The following SLC16A10 variants were observed in gnomAD, a reference collection of about 807,000 sequenced individuals.
SLC16A10 encodes the protein monocarboxylate transporter 10.
In SLC16A10, 27 loss-of-function variants were observed where a neutral mutation model predicts 40.0. The observed-to-expected ratio is 0.67, with a 90% CI of 0.50 to 0.93. SLC16A10 has a LOEUF of 0.93. Among genes scored for constraint, SLC16A10 ranks in the 40% least tolerant of loss-of-function variants. SLC16A10 has a pLI of 0.00. For missense variants in SLC16A10, 529 were observed against 658.2 expected, an observed-to-expected ratio of 0.80 and a Z score of 2.15; for synonymous variants, 213 against 249.8, an observed-to-expected ratio of 0.85 and a Z score of 1.39.
chr6:111,146,189 C>T (rs1221144810), intron 1 of SLC16A10, among the ~76,000 whole-genome samples: 2 of 152,122 alleles, frequency 1.3e-5, no homozygotes, highest in Non-Finnish European at 2.9e-5. Flanking sequence ...TATAAATCAC[C>T]AATGAGCATA....
At chr6:111,117,893 A>G (rs1057347495) in intron 1 of SLC16A10, among the ~76,000 whole-genome samples, 3 of 152,210 alleles carry the variant, frequency 2.0e-5, no homozygotes, top group Non-Finnish European at 2.9e-5. Context: ...CTTCAAATCT[A>G]GTGCACTTTC....
chr6:111,124,831 A>C (rs2114479754), intron 1 of SLC16A10, among the ~76,000 whole-genome samples: 1 of 152,380 alleles, frequency 6.6e-6, no homozygotes, highest in East Asian at 1.9e-4. Context: ...ATAAATGTTT[A>C]TAGATCTGCT....
At chr6:111,166,963 C>G (rs747599741) in intron 1 of SLC16A10, among the ~76,000 whole-genome samples, 1 of 152,210 alleles carries the variant, frequency 6.6e-6, no homozygotes, top group Non-Finnish European at 1.5e-5. Flanking sequence ...GTTATACAAG[C>G]ACATCTTGCA....
intron 1 of SLC16A10, among the ~76,000 whole-genome samples, chr6:111,090,054 TAC>T (rs199853517): frequency 0.017 from 2,504 of 151,334 alleles, 44 homozygotes; most frequent in African/African-American, 0.042. Context: ...TCTAATTGGC[TAC>T]ACAATATCCC....
At chr6:111,188,487 G>A (rs556420619) in intron 3 of SLC16A10, among the ~76,000 whole-genome samples, 7 of 151,872 alleles carry the variant, frequency 4.6e-5, no homozygotes, top group African/African-American at 1.7e-4. Context: ...CTTGACACAA[G>A]GATATATATA....
chr6:111,151,836 C>G (rs1772177884), intron 1 of SLC16A10, among the ~76,000 whole-genome samples: 1 of 152,304 alleles, frequency 6.6e-6, no homozygotes, highest in South Asian at 2.1e-4. Context: ...CCTATTCATC[C>G]TCCATGTCAC....
chr6:111,092,318 T>G (rs962334975), intron 1 of SLC16A10, among the ~76,000 whole-genome samples: 57 of 129,288 alleles, frequency 4.4e-4, no homozygotes, highest in South Asian at 3.9e-3. Context: ...TTTTGTTGTT[T>G]TTTTTTTTTT....
intron 1 of SLC16A10, among the ~76,000 whole-genome samples, chr6:111,095,957 TG>T (rs1311894586): frequency 1.3e-4 from 20 of 152,238 alleles, no homozygotes; most frequent in Non-Finnish European, 2.9e-5. Context: ...AAGGCTTTCA[TG>T]TACATTATTT....
At chr6:111,109,752 T>A (rs1387427911) in intron 1 of SLC16A10, among the ~76,000 whole-genome samples, 2 of 152,168 alleles carry the variant, frequency 1.3e-5, no homozygotes, top group Non-Finnish European at 1.5e-5. Flanking sequence ...ACACCTGGCC[T>A]ACCACAATTT....
Position 111,177,263 on chromosome 6 carries a change from C to T in SLC16A10, c.540C>T (p.Cys180=), listed in dbSNP as rs779916305. ...LTYGIIFACG[C]SFAYQPSLVI... ...ATGGAATCATATTTGCCTGCGGCTG[C>T]TCCTTTGCATACCAGCCTTCATTGG... is the stretch of plus-strand genomic sequence containing the variant. Residue 180 remains cysteine, a synonymous_variant, in exon 3 of 6, where the codon TGC becomes TGT. Transcript: ENST00000368851. The T allele has an allele frequency of 5.0e-6, 8 of 1,595,202 alleles. No homozygotes were observed. The Admixed American group carries it at 8.9e-5, about 18-fold the overall frequency.
intron 1 of SLC16A10, among the ~76,000 whole-genome samples, chr6:111,093,193 A>G (rs1455226909): frequency 6.7e-6 from 1 of 150,270 alleles, no homozygotes; most frequent in Non-Finnish European, 1.5e-5. Flanking sequence ...CTGGGCAACA[A>G]GAGAGAAACT....
At chr6:111,184,655 T>A (rs1359454170) in intron 3 of SLC16A10, among the ~76,000 whole-genome samples, 1 of 152,024 alleles carries the variant, frequency 6.6e-6, no homozygotes, top group Admixed American at 6.6e-5. Context: ...CTAATTTTTG[T>A]ATTTTTGGTA....
intron 3 of SLC16A10, 73 bp downstream of exon 3, chr6:111,177,738 G>A: frequency 1.4e-6 from 2 of 1,381,290 alleles, no homozygotes. Context: ...AGAAAGTTAG[G>A]TCGAGTTAAA....
chr6:111,201,705 C>T (rs60543942), intron 3 of SLC16A10, among the ~76,000 whole-genome samples: 1,811 of 152,278 alleles, frequency 0.012, 25 homozygotes, highest in African/African-American at 0.042. Context: ...TCTTAGGAAA[C>T]AGTACAGTAG....
At chr6:111,172,864 G>A (rs369523015) in intron 2 of SLC16A10, 25 bp downstream of exon 2, 2 of 1,605,756 alleles carry the variant, frequency 1.2e-6, no homozygotes, top group African/African-American at 2.7e-5. Flanking sequence ...TTTTCATGTT[G>A]CTTTTTAAAA....
At chr6:111,190,635 G>A (rs1033025800) in intron 3 of SLC16A10, among the ~76,000 whole-genome samples, 2 of 152,222 alleles carry the variant, frequency 1.3e-5, no homozygotes, top group East Asian at 1.9e-4. Flanking sequence ...CTTGATTTCT[G>A]TGCACCCGCA....
chr6:111,155,022 CAAAAAAAAAA>C (rs397888706), intron 1 of SLC16A10, among the ~76,000 whole-genome samples: 5 of 53,456 alleles, frequency 9.4e-5, no homozygotes, highest in South Asian at 7.2e-4. Context: ...GACTCCATCT[CAAAAAAAAAA>C]AAAAAAAAAA....
intron 1 of SLC16A10, among the ~76,000 whole-genome samples, chr6:111,089,070 C>T (rs1199056082): frequency 2.6e-5 from 4 of 151,996 alleles, no homozygotes; most frequent in Admixed American, 1.3e-4. Context: ...ACCTCCCTCC[C>T]CATCATTTGG....
chr6:111,225,685 G>C lies in SLC16A10; in HGVS notation c.*3450G>C, dbSNP rs1770984471. ...GTTACTTGAAATTGGCCTATGTCCA[G>C]ATGACTTTTGATGTTAAATCAATGG... is the stretch of plus-strand genomic sequence containing the variant. On this transcript the variant is annotated 3_prime_UTR_variant, in exon 6 of 6. Coordinates refer to ENST00000368851, the MANE Select transcript of SLC16A10 (RefSeq NM_018593.5). 1.3e-5 allele frequency: 2 copies of C among 151,906 alleles called. No individual in the cohort carries two copies. The highest frequency in any genetic ancestry group is 2.9e-5 in the Non-Finnish European group (2 of 68,026). 9.4% of individuals were successfully genotyped at this position (151,906 alleles called of 1,614,324 possible). A position where few individuals can be genotyped will look rare whatever the true frequency, so the allele number is the denominator to read the frequency against.
Sources: gnomAD v4.1 joint callset for allele counts (sites outside exome capture counted in the v4.1 genomes callset) on GRCh38, gnomAD v4.1.1 for gene constraint, MANE v1.5 for transcripts, NCBI Gene and HGNC (gene_info 2026-07-23, HGNC 2026-07-21) for gene names.